TMTC1: variants seen among roughly 807,000 people sequenced by gnomAD.
TMTC1 encodes transmembrane O-mannosyltransferase targeting cadherins 1.
TMTC1 carries 73 observed loss-of-function variants against 104.8 expected under a neutral mutation model. The ratio of observed to expected loss-of-function variants is 0.70; its 90% CI spans 0.58 to 0.85. TMTC1 has a LOEUF of 0.85. Ranked by LOEUF, TMTC1 falls within the 40% of genes least tolerant of loss-of-function variation. The pLI, the probability that TMTC1 is intolerant of heterozygous loss-of-function variation, is 0.00. For synonymous variants in TMTC1, 434 were observed against 428.7 expected (o/e 1.01, Z -0.15); for missense variants, 1,035 against 1,096.1 (o/e 0.94, Z 0.79).
At chr12:29,637,071 G>T (rs1359646001) in intron 5 of TMTC1, among the ~76,000 whole-genome samples, 1 of 125,180 alleles carries the variant, frequency 8.0e-6, no homozygotes, top group Non-Finnish European at 1.7e-5. Context: ...AAAATGAAAC[G>T]AAACAAAATG....
chr12:29,550,933 CAAAAAAAAAAAAA>C (rs200605964), intron 10 of TMTC1, among the ~76,000 whole-genome samples: 26 of 108,304 alleles, frequency 2.4e-4, no homozygotes, highest in African/African-American at 9.9e-4. Context: ...GACTCCATCT[CAAAAAAAAAAAAA>C]AAAAAAAAAA....
chr12:29,644,209 G>C (rs1047449672), intron 5 of TMTC1, among the ~76,000 whole-genome samples: 1 of 145,588 alleles, frequency 6.9e-6, no homozygotes, highest in Non-Finnish European at 1.5e-5. Flanking sequence ...TATGGCATTT[G>C]CAGTGACCTG....
intron 5 of TMTC1, among the ~76,000 whole-genome samples, chr12:29,707,699 T>C (rs1365776437): frequency 6.6e-6 from 1 of 152,218 alleles, no homozygotes; most frequent in Non-Finnish European, 1.5e-5. Context: ...TTACTGATCC[T>C]GTTCTTCAAC....
At chr12:29,535,037 T>C (rs1049261372) in intron 11 of TMTC1, 12 of 152,218 alleles carry the variant, frequency 7.9e-5, no homozygotes, top group African/African-American at 2.9e-4. Context: ...CAGGAACAGT[T>C]AGTGCAAAGG....
At chr12:29,754,033 ATTTTTGTATT>A (rs1943154992) in intron 4 of TMTC1, among the ~76,000 whole-genome samples, 2 of 152,024 alleles carry the variant, frequency 1.3e-5, no homozygotes, top group Admixed American at 6.6e-5. Flanking sequence ...TGCCCAGCTA[ATTTTTGTATT>A]TTTAGTAGAG....
intron 5 of TMTC1, among the ~76,000 whole-genome samples, chr12:29,729,961 C>T (rs1942502359): frequency 6.6e-6 from 1 of 152,136 alleles, no homozygotes; most frequent in Admixed American, 6.6e-5. Context: ...AACTTTTCCT[C>T]AACCCTGAAT....
rs943550753 is a variant in TMTC1 at position 29,783,180 on chromosome 12, G to T, written c.302+270C>A. The T allele has an allele frequency of 2.2e-5, 8 of 370,486 alleles. No individual in the cohort carries two copies. The highest frequency in any genetic ancestry group is 1.0e-4 in the African/African-American group (5 of 48,032). The allele number at this position is 370,486 out of a possible 1,614,324, so 22.9% of individuals were successfully genotyped here. A position where few individuals can be genotyped will look rare whatever the true frequency, so the allele number is the denominator to read the frequency against. On this transcript the variant is annotated intron_variant, in intron 1 of 17. Transcript: ENST00000539277. The surrounding 1 kb of genome is among the most constrained non-coding windows in gnomAD (Gnocchi z 4.7). ...ACCAGCCCGCTCCCAGCCCTGCCTC[G>T]AGAGAGAAGCCCGCTGAGAGGGCAG...
At chr12:29,589,089 C>T (rs1946214573) in intron 7 of TMTC1, among the ~76,000 whole-genome samples, 1 of 152,194 alleles carries the variant, frequency 6.6e-6, no homozygotes, top group African/African-American at 2.4e-5. Flanking sequence ...CTAGGTTCAC[C>T]TTATCTTATG....
At chr12:29,710,752 CTATT>C (rs1311127180) in intron 5 of TMTC1, among the ~76,000 whole-genome samples, 32 of 126,612 alleles carry the variant, frequency 2.5e-4, no homozygotes, top group Non-Finnish European at 4.6e-4. Context: ...TATTTATAAT[CTATT>C]TATATTATAT....
chr12:29,673,986 C>A (rs1379896427), intron 5 of TMTC1, among the ~76,000 whole-genome samples: 1 of 151,808 alleles, frequency 6.6e-6, no homozygotes, highest in Non-Finnish European at 1.5e-5. Flanking sequence ...CTCGAACTCC[C>A]AATCTCAGGT....
chr12:29,621,286 G>T (rs999783897), intron 6 of TMTC1, among the ~76,000 whole-genome samples: 6 of 152,198 alleles, frequency 3.9e-5, no homozygotes, highest in Non-Finnish European at 5.9e-5. Context: ...CTGGAATTTA[G>T]TGATCCTTGT....
intron 11 of TMTC1, chr12:29,533,787 A>G (rs922113236): frequency 2.0e-5 from 3 of 152,210 alleles, no homozygotes; most frequent in Admixed American, 6.5e-5. Flanking sequence ...GAAAAAAACT[A>G]AAAAGTCCTA....
At chr12:29,553,418 T>C (rs1448125361) in intron 10 of TMTC1, among the ~76,000 whole-genome samples, 1 of 152,252 alleles carries the variant, frequency 6.6e-6, no homozygotes, top group Non-Finnish European at 1.5e-5. Context: ...TACTGAATTC[T>C]ATGACTGACC....
chr12:29,736,595 T>A, intron 5 of TMTC1, among the ~76,000 whole-genome samples: 1 of 152,196 alleles, frequency 6.6e-6, no homozygotes, highest in East Asian at 1.9e-4. Flanking sequence ...AATTTTTGTA[T>A]TTTTAGTAGA....
At chr12:29,710,987 A>AT (rs111346416) in intron 5 of TMTC1, among the ~76,000 whole-genome samples, 97,642 of 135,944 alleles carry the variant, frequency 0.72, 36,334 homozygotes, top group South Asian at 0.83. Context: ...ATATATATAT[A>AT]TTTTTTCCCC....
At chr12:29,572,417 G>T (rs958011707) in intron 8 of TMTC1, among the ~76,000 whole-genome samples, 199 bp from the exon 9 acceptor site, 1 of 152,304 alleles carries the variant, frequency 6.6e-6, no homozygotes, top group South Asian at 2.1e-4. Flanking sequence ...AAACAATGGA[G>T]GCAGTATAGT....
In TMTC1 at chr12:29,783,683, C is replaced by T. The variant is rs1328006035; in HGVS notation, c.69G>A (p.Gly23=). 4 of 1,277,066 alleles carry T rather than the reference C, an allele frequency of 3.1e-6. No homozygotes were observed. Among genetic ancestry groups the T allele is most frequent in the East Asian group, 3.2e-5 (1 of 31,510 alleles). The allele number at this position is 1,277,066 out of a possible 1,614,324, so 79.1% of individuals were successfully genotyped here. A position where few individuals can be genotyped will look rare whatever the true frequency, so the allele number is the denominator to read the frequency against. Residue 23 remains glycine, a synonymous_variant, in exon 1 of 18, where the codon GGG becomes GGA. Transcript: ENST00000539277. The surrounding 1 kb of genome is among the most constrained non-coding windows in gnomAD (Gnocchi z 4.7). ...GCGCCGCGGCCCCGGCCGGCGCTAGCCCGCAGCCCCGCCGCCGGGAGGGTG... is the reference window on the plus strand; with the variant it reads ...GCGCCGCGGCCCCGGCCGGCGCTAGTCCGCAGCCCCGCCGCCGGGAGGGTG... The part of the protein sequence containing the change: ...DRTPSRRRGC[G]LAPAGAAALL...
intron 3 of TMTC1, 150 bp downstream of exon 3, chr12:29,758,554 G>T: frequency 1.3e-6 from 1 of 791,346 alleles, no homozygotes; most frequent in Non-Finnish European, 2.1e-6. Flanking sequence ...GCCCAGCACT[G>T]GACAAGCAGA....
At chr12:29,625,970 T>C (rs1258029824) in intron 6 of TMTC1, among the ~76,000 whole-genome samples, 1 of 152,200 alleles carries the variant, frequency 6.6e-6, no homozygotes, top group East Asian at 1.9e-4. Context: ...CCCTAAATAT[T>C]TCATGCGGCT....
Sources: allele counts gnomAD v4.1 joint callset (sites outside exome capture counted in the v4.1 genomes callset), GRCh38; gene constraint gnomAD v4.1.1; non-coding constraint Gnocchi (gnomAD v3.1); transcripts MANE v1.5; gene names NCBI Gene and HGNC (gene_info 2026-07-23, HGNC 2026-07-21).